Variants in ARHGAP35 observed in about 807,000 individuals in gnomAD.
ARHGAP35 encodes Rho GTPase activating protein 35.
Under a neutral mutation model 111.1 loss-of-function variants are expected in ARHGAP35, and 15 were observed. The observed-to-expected ratio is 0.13, with a 90% confidence interval of 0.09 to 0.21. ARHGAP35 has a LOEUF of 0.21. ARHGAP35 is among the 10% of genes least tolerant of loss of function. The pLI, the probability that ARHGAP35 is intolerant of heterozygous loss-of-function variation, is 1.00. For missense variants in ARHGAP35, 1,262 were observed against 1,873.0 expected (o/e 0.67, Z 6.02); for synonymous variants, 643 against 710.3 (o/e 0.91, Z 1.51).
At chr19:46,969,115 GTTGCCAGGGGCTGC>G (rs2056530769) in intron 3 of ARHGAP35, among the ~76,000 whole-genome samples, 1 of 152,156 alleles carries the variant, frequency 6.6e-6, no homozygotes, top group African/African-American at 2.4e-5. Flanking sequence ...TAGATGAGTG[GTTGCCAGGGGCTGC>G]GAGAAGGGAG....
chr19:46,911,921 C>CA, intron 1 of ARHGAP35, among the ~76,000 whole-genome samples: 1 of 151,952 alleles, frequency 6.6e-6, no homozygotes, highest in Admixed American at 6.5e-5. Context: ...AAAGGAAAAA[C>CA]AAAAACCCTA....
At chr19:46,890,999 C>T (rs1359966055) in intron 1 of ARHGAP35, among the ~76,000 whole-genome samples, 1 of 152,134 alleles carries the variant, frequency 6.6e-6, no homozygotes, top group Non-Finnish European at 1.5e-5. Context: ...TCCCAGTAGT[C>T]AGTATGGTAA....
chr19:46,948,610 TAAC>T (rs1047393519), intron 3 of ARHGAP35: 1 of 152,140 alleles, frequency 6.6e-6, no homozygotes, highest in African/African-American at 2.4e-5. Context: ...ACGCTGTGTG[TAAC>T]AACAGTGGGA....
intron 1 of ARHGAP35, among the ~76,000 whole-genome samples, chr19:46,912,644 C>T (rs955983979): frequency 6.6e-6 from 1 of 152,230 alleles, no homozygotes; most frequent in Non-Finnish European, 1.5e-5. Flanking sequence ...GCATGAGCCA[C>T]TGCTCCTGGT....
In ARHGAP35 at chr19:47,000,563, G is replaced by A. The variant is rs376344986; in HGVS notation, c.4375G>A (p.Val1459Ile). ...CTCCCCCTCTGCCGTGGCTTCCACC[G>A]TCCCCTTCCTCACTTCCACGCCTGT... ...PSSPSAVAST[V>I]PFLTSTPVTS... Residue 1459 changes from valine (V) to isoleucine (I), a missense_variant, in exon 7 of 7, where the codon GTC becomes ATC. Coordinates refer to ENST00000672722, the MANE Select transcript of ARHGAP35 (RefSeq NM_004491.5). This position sits in a 1 kb window ranked among gnomAD's most constrained non-coding sequence, Gnocchi z 6.9. 2.1e-4 allele frequency: 339 copies of A among 1,611,680 alleles called. 6 individuals carry two copies. In the South Asian group the frequency reaches 2.9e-3, roughly 14 times the overall value.
chr19:46,882,258 C>T (rs192121315), intron 1 of ARHGAP35, among the ~76,000 whole-genome samples: 93 of 151,842 alleles, frequency 6.1e-4, no homozygotes, highest in Non-Finnish European at 8.1e-4. Context: ...CTCAACCCCC[C>T]CAGGTTGCTG....
rs754245719 is a variant in ARHGAP35 at position 46,919,507 on chromosome 19, G to C, written c.832G>C (p.Glu278Gln). ...QQIATAKDKY[E>Q]WLVSRIVKNH... Reference sequence around the variant, plus strand: ...GATAGCTACAGCAAAAGACAAGTATGAGTGGCTGGTGAGTCGCATTGTGAA... The same window carrying C: ...GATAGCTACAGCAAAAGACAAGTATCAGTGGCTGGTGAGTCGCATTGTGAA... The change falls in exon 2 of 7, where the codon GAG becomes CAG. Residue 278 changes from glutamate to glutamine, a missense_variant. This residue lies in a region of ARHGAP35 where 328 missense variants were observed against 440.8 expected (regional missense o/e 0.74). Transcript: ENST00000672722. This position sits in a 1 kb window ranked among gnomAD's most constrained non-coding sequence, Gnocchi z 6.2. 1 of 1,613,920 alleles carries C rather than the reference G, an allele frequency of 6.2e-7. No individual in the cohort carries two copies. Among genetic ancestry groups the C allele is most frequent in the Non-Finnish European group, 8.5e-7 (1 of 1,179,884 alleles).
In ARHGAP35 at chr19:46,869,972, A is replaced by T. The variant is rs146763901; in HGVS notation, c.-189+8763A>T. 8.0e-3 allele frequency among the ~76,000 whole-genome samples: 1,081 copies of T among 134,724 alleles called. 7 individuals are homozygous for T. Among genetic ancestry groups the T allele is most frequent in the African/African-American group, 0.029 (1,009 of 35,096 alleles). The allele number at this position is 134,724 out of a possible 152,430, so 88.4% of individuals were successfully genotyped here. ...TTTTTTTTTTTTTTTTTTGAAACAGAGTCTTGCTTTGTCGCCCAGGCTGGA... is the reference window on the plus strand; with the variant it reads ...TTTTTTTTTTTTTTTTTTGAAACAGTGTCTTGCTTTGTCGCCCAGGCTGGA... On this transcript the variant is annotated intron_variant, in intron 1 of 6. Coordinates refer to ENST00000672722, the MANE Select transcript of ARHGAP35 (RefSeq NM_004491.5).
At chr19:46,972,160 C>A (rs534126477) in intron 3 of ARHGAP35, among the ~76,000 whole-genome samples, 2 of 152,182 alleles carry the variant, frequency 1.3e-5, no homozygotes, top group Non-Finnish European at 2.9e-5. Context: ...AGGCGTGCAT[C>A]AGCACGCCAG....
At chr19:46,975,015 C>T (rs960433477) in intron 3 of ARHGAP35, among the ~76,000 whole-genome samples, 3 of 152,080 alleles carry the variant, frequency 2.0e-5, no homozygotes, top group African/African-American at 4.8e-5. Flanking sequence ...GGATTACAGG[C>T]GCATGCCACC....
intron 3 of ARHGAP35, among the ~76,000 whole-genome samples, chr19:46,940,252 G>A (rs192200960): frequency 2.0e-3 from 304 of 151,892 alleles, no homozygotes; most frequent in African/African-American, 6.8e-3. Context: ...CTAGCTAGTC[G>A]GGAGGCTGAA....
Position 47,000,964 on chromosome 19 carries a change from C to T in ARHGAP35, c.*276C>T. ...CAGTGCCCTCCCTCTGTTCCCTGGACCACCACCCCACGTAGCTGCTCACAC... is the reference window on the plus strand; with the variant it reads ...CAGTGCCCTCCCTCTGTTCCCTGGATCACCACCCCACGTAGCTGCTCACAC... On this transcript the variant is annotated 3_prime_UTR_variant, in exon 7 of 7. Coordinates refer to ENST00000672722, the MANE Select transcript of ARHGAP35 (RefSeq NM_004491.5). This position sits in a 1 kb window ranked among gnomAD's most constrained non-coding sequence, Gnocchi z 6.9. 1 of 1,511,716 alleles carries T rather than the reference C, an allele frequency of 6.6e-7. No individual in the cohort carries two copies. The highest frequency in any genetic ancestry group is 8.8e-7 in the Non-Finnish European group (1 of 1,131,270). 93.6% of individuals were successfully genotyped at this position (1,511,716 alleles called of 1,614,324 possible).
At chr19:46,899,611 G>A (rs2053046691) in intron 1 of ARHGAP35, among the ~76,000 whole-genome samples, 1 of 151,538 alleles carries the variant, frequency 6.6e-6, no homozygotes. Flanking sequence ...GCAGCGGGAG[G>A]ATCGCTTGAG....
intron 3 of ARHGAP35, among the ~76,000 whole-genome samples, chr19:46,975,664 G>T (rs1396240335): frequency 6.6e-6 from 1 of 152,214 alleles, no homozygotes; most frequent in Non-Finnish European, 1.5e-5. Context: ...CTACGTTCCA[G>T]CCCTTTTCCT....
At position 46,926,312 on chromosome 19, in the gene ARHGAP35, G is replaced by C. The variant is rs551160385; in HGVS notation, c.3681+3956G>C. On this transcript the variant is annotated intron_variant, in intron 2 of 6. Transcript: ENST00000672722. This position sits in a 1 kb window ranked among gnomAD's most constrained non-coding sequence, Gnocchi z 4.1. Reference sequence around the variant, plus strand: ...ATTTAGCAACCCACCCTCATAGTGGGAGCCTTCCGCACTCAGCTGAATGAA... The same window carrying C: ...ATTTAGCAACCCACCCTCATAGTGGCAGCCTTCCGCACTCAGCTGAATGAA... Among the ~76,000 whole-genome samples, 2 of 152,276 alleles carry C rather than the reference G, an allele frequency of 1.3e-5. No homozygotes were observed. Among genetic ancestry groups the C allele is most frequent in the African/African-American group, 4.8e-5 (2 of 41,550 alleles).
At chr19:46,871,278 G>A (rs1331243595) in intron 1 of ARHGAP35, among the ~76,000 whole-genome samples, 2 of 152,196 alleles carry the variant, frequency 1.3e-5, no homozygotes, top group Admixed American at 1.3e-4. Context: ...AAATGGGACT[G>A]GTATTGAAAT....
In ARHGAP35 at chr19:46,888,361, CA is replaced by C. The variant is rs1410282266; in HGVS notation, c.-189+27153del. ...ACACACACACACACACACACACACA[CA>C]CACCCCACAACAAGAAGTAAGGCTC... On this transcript the variant is annotated intron_variant, in intron 1 of 6. Transcript: ENST00000672722. Among the ~76,000 whole-genome samples, 116 of 136,228 alleles carry C rather than the reference CA, an allele frequency of 8.5e-4. 2 individuals are homozygous for C. The highest frequency in any genetic ancestry group is 3.8e-3 in the Middle Eastern group (1 of 264). The allele number at this position is 136,228 out of a possible 152,430, so 89.4% of individuals were successfully genotyped here.
intron 3 of ARHGAP35, chr19:46,948,682 GTT>G (rs1434021528): frequency 6.6e-6 from 1 of 152,306 alleles, no homozygotes; most frequent in East Asian, 1.9e-4. Flanking sequence ...ATGAACCGCG[GTT>G]CCCTTTCTAG....
chr19:46,867,457 T>TCCTAGC (rs902968211), intron 1 of ARHGAP35, among the ~76,000 whole-genome samples: 2 of 152,178 alleles, frequency 1.3e-5, no homozygotes, highest in Non-Finnish European at 2.9e-5. Flanking sequence ...GAAACCTGGG[T>TCCTAGC]CCTAGCCCTA....
Sources: allele counts gnomAD v4.1 joint callset (sites outside exome capture counted in the v4.1 genomes callset), GRCh38; gene constraint gnomAD v4.1.1; regional missense constraint gnomAD v4.1.1; non-coding constraint Gnocchi (gnomAD v3.1); transcripts MANE v1.5; gene names NCBI Gene and HGNC (gene_info 2026-07-23, HGNC 2026-07-21).